The following EHF variants were observed in gnomAD, a reference collection of about 807,000 sequenced individuals.
EHF encodes the protein ETS homologous factor.
Under a neutral mutation model 45.1 loss-of-function variants are expected in EHF, and 14 were observed. That is an observed-to-expected ratio of 0.31 (90% confidence interval 0.21 to 0.49). EHF has a LOEUF of 0.49. EHF is among the 20% of genes least tolerant of loss of function. EHF has a pLI of 0.99. For missense variants in EHF, 282 were observed against 371.4 expected (o/e 0.76, Z 1.98); for synonymous variants, 136 against 131.8 (o/e 1.03, Z -0.22).
chr11:34,630,686 A>T (rs75891451), intron 1 of EHF, among the ~76,000 whole-genome samples: 2 of 151,944 alleles, frequency 1.3e-5, no homozygotes, highest in African/African-American at 4.8e-5. Context: ...GGTCTTATTT[A>T]TCAGTCAACT....
chr11:34,641,137 T>C (rs1420569753), intron 1 of EHF, among the ~76,000 whole-genome samples: 2 of 152,130 alleles, frequency 1.3e-5, no homozygotes, highest in Non-Finnish European at 2.9e-5. Flanking sequence ...ACCCAGTGGC[T>C]CTTTGCTGTT....
At chr11:34,643,076 G>GTA (rs1458683755) in intron 2 of EHF, among the ~76,000 whole-genome samples, 5 of 151,774 alleles carry the variant, frequency 3.3e-5, no homozygotes, top group Admixed American at 3.3e-4. Flanking sequence ...GTATGTGTGT[G>GTA]TGTGTGTGTG....
Position 34,642,685 on chromosome 11 carries a change from C to G in EHF, c.55C>G (p.His19Asp). 6.2e-7 allele frequency: 1 copy of G among 1,614,054 alleles called. No homozygotes were observed. The highest frequency in any genetic ancestry group is 8.5e-7 in the Non-Finnish European group (1 of 1,179,966). The change falls in exon 2 of 9, where the codon CAC (histidine) becomes GAC (aspartate). Residue 19 changes from histidine to aspartate, a missense_variant. By Grantham distance (81) the His-to-Asp change is moderately conservative. Transcript: ENST00000257831. ...MNLNPGNNLL[H>D]QPPAWTDSYS... ...TCTCAACCCCGGCAACAACCTCCTT[C>G]ACCAGCCGCCAGCCTGGACAGACAG...
At chr11:34,624,438 CTTTA>C (rs1852196651) in intron 1 of EHF, 1 of 338,398 alleles carries the variant, frequency 3.0e-6, no homozygotes, top group East Asian at 1.7e-4. Context: ...AGATAATTAA[CTTTA>C]TTTGACATTT....
In EHF at chr11:34,661,349, G is replaced by C. The variant is rs1010095566; in HGVS notation, c.*2418G>C. ...ATCATCTAAGGAGGCTAGATCCTTC[G>C]CTGACTTCACCATTCCTCAAACCTG... On this transcript the variant is annotated 3_prime_UTR_variant, in exon 9 of 9. Coordinates refer to ENST00000257831, the MANE Select transcript of EHF (RefSeq NM_012153.6). Among the ~76,000 whole-genome samples the C allele has an allele frequency of 6.6e-6, 1 of 152,102 alleles. No individual in the cohort carries two copies. The highest frequency in any genetic ancestry group is 1.5e-5 in the Non-Finnish European group (1 of 68,000).
intron 7 of EHF, among the ~76,000 whole-genome samples, chr11:34,657,264 C>CA (rs11427724): frequency 1 from 152,294 of 152,294 alleles, 76,147 homozygotes; most frequent in Non-Finnish European, 1. Context: ...TGGCAATTTC[C>CA]TCTCTCCCAG....
chr11:34,643,065 G>GGTGTGTGT (rs76080001), intron 2 of EHF, among the ~76,000 whole-genome samples: 2,313 of 145,004 alleles, frequency 0.016, 57 homozygotes, highest in African/African-American at 0.06. Flanking sequence ...GGAGAGAAAG[G>GGTGTGTGT]GTATGTGTGT....
intron 1 of EHF, among the ~76,000 whole-genome samples, chr11:34,633,492 C>G (rs1211139314): frequency 6.6e-6 from 1 of 152,116 alleles, no homozygotes; most frequent in Admixed American, 6.5e-5. Context: ...CTCAGAAATG[C>G]AGATTTTAGT....
chr11:34,632,190 T>A (rs2134015422), intron 1 of EHF, among the ~76,000 whole-genome samples: 1 of 152,360 alleles, frequency 6.6e-6, no homozygotes, highest in East Asian at 1.9e-4. Context: ...GATGCCTTTC[T>A]TTGCTTTTTT....
At chr11:34,628,866 G>A (rs1414073220) in intron 1 of EHF, among the ~76,000 whole-genome samples, 2 of 152,166 alleles carry the variant, frequency 1.3e-5, no homozygotes, top group Admixed American at 6.5e-5. Context: ...GCAGTTCCAC[G>A]GGGCCCCATG....
intron 1 of EHF, among the ~76,000 whole-genome samples, chr11:34,640,238 G>T (rs1483687414): frequency 6.6e-6 from 1 of 152,172 alleles, no homozygotes; most frequent in Non-Finnish European, 1.5e-5. Flanking sequence ...CAAAGCCTGG[G>T]TGCACAGCCT....
chr11:34,639,364 A>T (rs1054421483), intron 1 of EHF, among the ~76,000 whole-genome samples: 1 of 152,242 alleles, frequency 6.6e-6, no homozygotes, highest in Non-Finnish European at 1.5e-5. Flanking sequence ...ATTACTATAT[A>T]CTACAGAAAG....
intron 1 of EHF, among the ~76,000 whole-genome samples, chr11:34,626,259 C>G (rs1057392824): frequency 6.6e-6 from 1 of 152,166 alleles, no homozygotes; most frequent in African/African-American, 2.4e-5. Context: ...AGTTGCCTGT[C>G]CAGCCCTTTC....
intron 7 of EHF, 116 bp downstream of exon 7, chr11:34,657,086 C>A: frequency 8.1e-7 from 1 of 1,238,046 alleles, no homozygotes; most frequent in Non-Finnish European, 1.1e-6. Context: ...TGTCTTCATC[C>A]CAAACAGGGT....
intron 1 of EHF, chr11:34,641,924 C>T (rs1854038508): frequency 1.3e-5 from 2 of 152,078 alleles, no homozygotes; most frequent in African/African-American, 4.8e-5. Flanking sequence ...GCTTGGAAAC[C>T]CACTAAATTC....
At chr11:34,626,674 C>A (rs1349284019) in intron 1 of EHF, among the ~76,000 whole-genome samples, 1 of 152,150 alleles carries the variant, frequency 6.6e-6, no homozygotes, top group African/African-American at 2.4e-5. Flanking sequence ...CATCTTAATT[C>A]CACTAGGCAG....
At chr11:34,631,208 T>A (rs1200064042) in intron 1 of EHF, among the ~76,000 whole-genome samples, 1 of 152,052 alleles carries the variant, frequency 6.6e-6, no homozygotes, top group Non-Finnish European at 1.5e-5. Context: ...ATTTGTATAT[T>A]TTTAGTAGAG....
At chr11:34,633,807 A>G (rs1388539416) in intron 1 of EHF, among the ~76,000 whole-genome samples, 2 of 152,106 alleles carry the variant, frequency 1.3e-5, no homozygotes, top group Non-Finnish European at 2.9e-5. Context: ...TTGTCTTTTG[A>G]TCAACTTGAG....
chr11:34,624,338 G>A (rs1331162321), intron 1 of EHF: 1 of 985,148 alleles, frequency 1.0e-6, no homozygotes, highest in Non-Finnish European at 1.2e-6. Context: ...TCTGCGGCGG[G>A]GATTGCCATC....
Sources: gnomAD v4.1 joint callset for allele counts (sites outside exome capture counted in the v4.1 genomes callset) on GRCh38, gnomAD v4.1.1 for gene constraint, MANE v1.5 for transcripts, NCBI Gene and HGNC (gene_info 2026-07-23, HGNC 2026-07-21) for gene names.